The following KTN1 variants were observed in gnomAD, a reference collection of about 807,000 sequenced individuals.
The protein encoded by KTN1 is kinectin 1, also known as kinectin.
In KTN1, 130 loss-of-function variants were observed where a neutral mutation model predicts 222.5. The ratio of observed to expected loss-of-function variants is 0.58; its 90% CI spans 0.51 to 0.68. KTN1 has a LOEUF of 0.68. Ranked by LOEUF, KTN1 falls within the 30% of genes least tolerant of loss-of-function variation. The probability of loss-of-function intolerance (pLI) is 0.00; values close to 1 mark genes in which losing one functional copy is unlikely to be tolerated. For missense variants in KTN1, 1,508 were observed against 1,500.4 expected (o/e 1.01, Z -0.08); for synonymous variants, 512 against 496.3 (o/e 1.03, Z -0.42).
At chr14:55,632,676 A>C (rs1298506663) in intron 7 of KTN1, among the ~76,000 whole-genome samples, 1 of 152,206 alleles carries the variant, frequency 6.6e-6, no homozygotes, top group African/African-American at 2.4e-5. Flanking sequence ...GAAAATGGTT[A>C]GAATGGTACG....
At chr14:55,666,922 G>A (rs2044829311) in intron 33 of KTN1, among the ~76,000 whole-genome samples, 1 of 151,930 alleles carries the variant, frequency 6.6e-6, no homozygotes, top group East Asian at 1.9e-4. Flanking sequence ...TATAAGAAAT[G>A]CTTTTTGTGT....
intron 2 of KTN1, among the ~76,000 whole-genome samples, chr14:55,615,804 T>C (rs1440403451): frequency 6.6e-6 from 1 of 151,992 alleles, no homozygotes; most frequent in African/African-American, 2.4e-5. Context: ...CTTCCCTTCC[T>C]TCTTTTCCTT....
chr14:55,648,032 G>A lies in KTN1; in HGVS notation c.2215G>A (p.Glu739Lys), dbSNP rs2042569009. 1.4e-6 allele frequency: 2 copies of A among 1,467,500 alleles called. No individual in the cohort carries two copies. The highest frequency in any genetic ancestry group is 5.0e-5 in the East Asian group (2 of 40,010). The allele number at this position is 1,467,500 out of a possible 1,614,324, so 90.9% of individuals were successfully genotyped here. The change falls in exon 20 of 44, where the codon GAA becomes AAA. Residue 739 changes from glutamate (E) to lysine (K), a missense_variant. Physicochemically the swap from Glu to Lys is moderately conservative, Grantham distance 56. Coordinates refer to ENST00000395314, the MANE Select transcript of KTN1 (RefSeq NM_001079521.2). ...ACAAATTTATAATTTCAGCATTCAA[G>A]AAAAAGATGAGAAGTTAAAGACTGT... is the stretch of plus-strand genomic sequence containing the variant. ...VVEQMEKCIQEKDEKLKTVEE... is the reference protein window; with the variant it reads ...VVEQMEKCIQKKDEKLKTVEE...
At chr14:55,644,197 G>T (rs969894145) in intron 18 of KTN1, 46 of 401,600 alleles carry the variant, frequency 1.1e-4, no homozygotes, top group Middle Eastern at 1.2e-3. Context: ...AGTGAAAGAA[G>T]AGAAAAGATT....
chr14:55,611,981 C>CTTTT, intron 1 of KTN1, 38 bp from the exon 2 acceptor site: 2 of 768,340 alleles, frequency 2.6e-6, no homozygotes, highest in Non-Finnish European at 3.7e-6. Context: ...CTGACAGGTT[C>CTTTT]TTTTTTTTTT....
rs1266023724 is a variant in KTN1, at chr14:55,597,039, A to G, written c.-30-14980A>G. Among the ~76,000 whole-genome samples the G allele has an allele frequency of 3.9e-5, 6 of 151,910 alleles. No individual in the cohort carries two copies. In the East Asian group the frequency reaches 9.7e-4, roughly 24 times the overall value. On this transcript the variant is annotated intron_variant, in intron 1 of 43. Coordinates refer to ENST00000395314, the MANE Select transcript of KTN1 (RefSeq NM_001079521.2). ...GTGAACACAAATAGGATTAGTATAT[A>G]CTGTATATATGAAGGATTATTTTGA...
At chr14:55,642,459 C>A (rs1174819014) in intron 18 of KTN1, among the ~76,000 whole-genome samples, 1 of 152,134 alleles carries the variant, frequency 6.6e-6, no homozygotes, top group East Asian at 1.9e-4. Context: ...TCTGCCTATT[C>A]CTCAGTGCTG....
chr14:55,633,362 T>C, intron 8 of KTN1, 21 bp downstream of exon 8: 2 of 1,336,974 alleles, frequency 1.5e-6, no homozygotes, highest in Non-Finnish European at 2.1e-6. Flanking sequence ...AAATACCTTA[T>C]TTTTTAATTG....
intron 23 of KTN1, 48 bp downstream of exon 23, chr14:55,650,466 T>C (rs781652068): frequency 2.6e-6 from 4 of 1,512,964 alleles, no homozygotes; most frequent in African/African-American, 1.4e-5. Flanking sequence ...TTATCAACTT[T>C]AGTTAATATC....
intron 2 of KTN1, among the ~76,000 whole-genome samples, chr14:55,616,086 T>A (rs970367777): frequency 2.6e-5 from 4 of 151,508 alleles, no homozygotes; most frequent in Admixed American, 1.3e-4. Flanking sequence ...TAATTTTTTT[T>A]ATTTTTTTCG....
At chr14:55,660,796 TAAAAC>T (rs1369389092) in intron 31 of KTN1, among the ~76,000 whole-genome samples, 1 of 152,172 alleles carries the variant, frequency 6.6e-6, no homozygotes, top group Non-Finnish European at 1.5e-5. Context: ...CATGTATAAA[TAAAAC>T]AACACTTTAA....
At chr14:55,616,396 G>C in intron 2 of KTN1, 121 bp from the exon 3 acceptor site, 1 of 803,708 alleles carries the variant, frequency 1.2e-6, no homozygotes, top group Non-Finnish European at 2.0e-6. Context: ...TGGTGAGAGC[G>C]TTATATGTCA....
chr14:55,680,846 G>C, intron 43 of KTN1: 1 of 530,774 alleles, frequency 1.9e-6, no homozygotes, highest in South Asian at 1.7e-5. Flanking sequence ...TCCTTGGTAA[G>C]CTGACTTCTC....
chr14:55,598,814 ATGTTT>A (rs1329857177), intron 1 of KTN1, among the ~76,000 whole-genome samples: 1 of 152,244 alleles, frequency 6.6e-6, no homozygotes, highest in Non-Finnish European at 1.5e-5. Context: ...GTTACAACAA[ATGTTT>A]AAATATCTTT....
chr14:55,669,867 A>G (rs1052089342), intron 34 of KTN1, among the ~76,000 whole-genome samples: 2 of 152,040 alleles, frequency 1.3e-5, no homozygotes, highest in African/African-American at 4.8e-5. Context: ...ATTCTGCTGC[A>G]TATGTAACAG....
chr14:55,622,153 A>G (rs1230249853), intron 5 of KTN1, among the ~76,000 whole-genome samples: 1 of 151,948 alleles, frequency 6.6e-6, no homozygotes, highest in Non-Finnish European at 1.5e-5. Flanking sequence ...GGCCAGATTT[A>G]TATTACTTTT....
At chr14:55,646,479 CCTTT>C (rs2042340421) in intron 18 of KTN1, among the ~76,000 whole-genome samples, 1 of 58,052 alleles carries the variant, frequency 1.7e-5, no homozygotes, top group Non-Finnish European at 3.3e-5. Flanking sequence ...CCTTTCCTTT[CCTTT>C]CCTTTCCTTT....
chr14:55,594,398 A>C (rs1325770494), intron 1 of KTN1, among the ~76,000 whole-genome samples: 2 of 152,108 alleles, frequency 1.3e-5, no homozygotes, highest in African/African-American at 4.8e-5. Flanking sequence ...TAGACTCTTT[A>C]AGCATTGAAA....
chr14:55,644,842 C>G (rs1474824982), intron 18 of KTN1, among the ~76,000 whole-genome samples: 2 of 151,992 alleles, frequency 1.3e-5, no homozygotes, highest in Non-Finnish European at 2.9e-5. Flanking sequence ...GAGATGCAAA[C>G]TAAGCTGAGT....
Sources: gnomAD v4.1 joint callset for allele counts (sites outside exome capture counted in the v4.1 genomes callset) on GRCh38, gnomAD v4.1.1 for gene constraint, MANE v1.5 for transcripts, NCBI Gene and HGNC (gene_info 2026-07-23, HGNC 2026-07-21) for gene names.